Variants in MAGI2 observed in about 807,000 individuals in gnomAD.
The protein encoded by MAGI2 is membrane associated guanylate kinase, WW and PDZ domain containing 2, also known as membrane-associated guanylate kinase, WW and PDZ domain-containing protein 2.
MAGI2 carries 35 observed loss-of-function variants against 133.3 expected under a neutral mutation model. The ratio of observed to expected loss-of-function variants is 0.26; its 90% CI spans 0.20 to 0.35. MAGI2 has a LOEUF of 0.35. MAGI2 is among the 10% of genes least tolerant of loss of function. The probability of loss-of-function intolerance (pLI) is 1.00; values close to 1 mark genes in which losing one functional copy is unlikely to be tolerated. For synonymous variants in MAGI2, 729 were observed against 710.6 expected, an observed-to-expected ratio of 1.03 and a Z score of -0.41; for missense variants, 1,636 against 1,863.4, an observed-to-expected ratio of 0.88 and a Z score of 2.25.
intron 1 of MAGI2, among the ~76,000 whole-genome samples, chr7:79,300,658 G>C (rs1034273748): frequency 6.6e-6 from 1 of 152,204 alleles, no homozygotes; most frequent in African/African-American, 2.4e-5. Context: ...TTCAGGAGAA[G>C]AATTCAAGCA....
chr7:78,930,808 A>T (rs1279842768), intron 2 of MAGI2, among the ~76,000 whole-genome samples: 1 of 152,104 alleles, frequency 6.6e-6, no homozygotes, highest in Non-Finnish European at 1.5e-5. Flanking sequence ...CTAACAGGAA[A>T]GCCATTCCAA....
chr7:78,971,232 A>T (rs187181362), intron 2 of MAGI2, among the ~76,000 whole-genome samples: 38 of 152,138 alleles, frequency 2.5e-4, no homozygotes, highest in African/African-American at 8.9e-4. Flanking sequence ...ATATGGGAGG[A>T]GGGAGAAATC....
chr7:78,929,149 A>G (rs1418895218), intron 2 of MAGI2, among the ~76,000 whole-genome samples: 3 of 152,144 alleles, frequency 2.0e-5, no homozygotes, highest in African/African-American at 7.2e-5. Context: ...GATAATTGAC[A>G]CTGAGCAGTT....
chr7:79,281,985 T>C (rs1585419039), intron 1 of MAGI2, among the ~76,000 whole-genome samples: 1 of 152,298 alleles, frequency 6.6e-6, no homozygotes. Flanking sequence ...ATTTCCACTA[T>C]AAATCTTTTC....
At chr7:78,839,926 A>G (rs1791977884) in intron 2 of MAGI2, among the ~76,000 whole-genome samples, 1 of 152,112 alleles carries the variant, frequency 6.6e-6, no homozygotes, top group Admixed American at 6.6e-5. Context: ...AGTTTATGCC[A>G]TAATTGTCAA....
intron 1 of MAGI2, among the ~76,000 whole-genome samples, chr7:79,381,860 A>G (rs1357418360): frequency 6.6e-6 from 1 of 151,808 alleles, no homozygotes; most frequent in Non-Finnish European, 1.5e-5. Context: ...TAAACATGTT[A>G]TTAGTAACCT....
chr7:79,227,006 A>G (rs1354497181), intron 1 of MAGI2, among the ~76,000 whole-genome samples: 1 of 152,224 alleles, frequency 6.6e-6, no homozygotes, highest in African/African-American at 2.4e-5. Context: ...TGAGAAAAAA[A>G]AATCCTACTG....
At chr7:78,023,423 C>T (rs1808609068) in intron 21 of MAGI2, among the ~76,000 whole-genome samples, 1 of 152,016 alleles carries the variant, frequency 6.6e-6, no homozygotes, top group African/African-American at 2.4e-5. Flanking sequence ...TGGACCTGGG[C>T]GTTGGCTAAA....
chr7:78,522,061 G>C (rs1476369381), intron 3 of MAGI2, among the ~76,000 whole-genome samples: 5 of 152,108 alleles, frequency 3.3e-5, no homozygotes, highest in Non-Finnish European at 5.9e-5. Context: ...ATTCTGAAAA[G>C]GCAAAGCACG....
chr7:79,039,635 A>G (rs80003721), intron 1 of MAGI2, among the ~76,000 whole-genome samples: 1 of 151,596 alleles, frequency 6.6e-6, no homozygotes, highest in Non-Finnish European at 1.5e-5. Context: ...TAATCAAAAT[A>G]TATAAAGAAC....
chr7:78,060,973 C>T (rs1217328156), intron 21 of MAGI2, among the ~76,000 whole-genome samples: 1 of 151,932 alleles, frequency 6.6e-6, no homozygotes, highest in Non-Finnish European at 1.5e-5. Flanking sequence ...CAAGACCAGC[C>T]TGGCCAACAT....
At position 78,160,253 on chromosome 7, in the gene MAGI2, C is replaced by G. The variant is rs143785209; in HGVS notation, c.2617G>C (p.Gly873Arg). The G allele has an allele frequency of 6.3e-7, 1 of 1,597,174 alleles. No individual in the cohort carries two copies. ...GTGGATACAGAGCCTGGACTTCTCC[C>G]GTTCTCTGGGCAGGGCTCCCCTGCA... The part of the protein sequence containing the change: ...LCGGEPCPEN[G>R]RSPGSVSTHH... Residue 873 changes from glycine to arginine, a missense_variant, in exon 16 of 22, where the codon GGG (glycine) becomes CGG (arginine). By Grantham distance (125) the Gly-to-Arg change is moderately radical. Transcript: ENST00000354212.
chr7:79,384,436 A>C (rs1263770618), intron 1 of MAGI2, among the ~76,000 whole-genome samples: 1 of 145,130 alleles, frequency 6.9e-6, no homozygotes, highest in East Asian at 2.0e-4. Context: ...CTTTTATAAA[A>C]GTATAAAAAC....
At chr7:79,005,288 C>T (rs936879007) in intron 2 of MAGI2, among the ~76,000 whole-genome samples, 1 of 152,056 alleles carries the variant, frequency 6.6e-6, no homozygotes, top group African/African-American at 2.4e-5. Context: ...ATAATTGTTT[C>T]ATCGTGATAT....
intron 1 of MAGI2, among the ~76,000 whole-genome samples, chr7:79,052,928 T>C (rs1014599955): frequency 5.1e-4 from 78 of 152,156 alleles, no homozygotes; most frequent in Non-Finnish European, 3.8e-4. Context: ...ATAGTTGAAA[T>C]GAAACAGTGT....
At chr7:78,211,124 A>G (rs6967003) in intron 10 of MAGI2, among the ~76,000 whole-genome samples, 44,528 of 152,094 alleles carry the variant, frequency 0.29, 7,090 homozygotes, top group Admixed American at 0.35. Flanking sequence ...TTCATGAGAC[A>G]AGAGAGGGTG....
In MAGI2 at chr7:78,965,275, G is replaced by C. The variant is rs1032774176; in HGVS notation, c.418+41815C>G. 4.0e-5 allele frequency among the ~76,000 whole-genome samples: 6 copies of C among 151,522 alleles called. No individual in the cohort carries two copies. In the South Asian group the frequency reaches 6.2e-4, roughly 16 times the overall value. On this transcript the variant is annotated intron_variant, in intron 2 of 21. Coordinates refer to ENST00000354212, the MANE Select transcript of MAGI2 (RefSeq NM_012301.4). ...TAATTTAATAAAATTAAATGACATAGGGATATGCATGTCACAAAGACAAAC... is the reference window on the plus strand; with the variant it reads ...TAATTTAATAAAATTAAATGACATACGGATATGCATGTCACAAAGACAAAC...
chr7:78,463,065 T>C (rs1790231336), intron 6 of MAGI2, among the ~76,000 whole-genome samples: 1 of 152,240 alleles, frequency 6.6e-6, no homozygotes, highest in Non-Finnish European at 1.5e-5. Flanking sequence ...AAAAATGTTA[T>C]CTGGGGCCCA....
intron 16 of MAGI2, among the ~76,000 whole-genome samples, chr7:78,139,386 G>A (rs545950128): frequency 6.6e-6 from 1 of 152,298 alleles, no homozygotes; most frequent in East Asian, 1.9e-4. Context: ...CAAGGGATGT[G>A]CTCAGAGAGG....
Sources: allele counts gnomAD v4.1 joint callset (sites outside exome capture counted in the v4.1 genomes callset), GRCh38; gene constraint gnomAD v4.1.1; transcripts MANE v1.5; gene names NCBI Gene and HGNC (gene_info 2026-07-23, HGNC 2026-07-21).